DOP1A: variants seen among roughly 807,000 people sequenced by gnomAD.
DOP1A encodes DOP1 leucine zipper like protein A.
In DOP1A, 90 loss-of-function variants were observed where a neutral mutation model predicts 267.6. The observed-to-expected ratio is 0.34, with a 90% CI of 0.28 to 0.40. The LOEUF is 0.40. Among genes scored for constraint, DOP1A ranks in the 10% least tolerant of loss-of-function variants. DOP1A has a pLI of 1.00. For synonymous variants in DOP1A, 932 were observed against 999.1 expected, an observed-to-expected ratio of 0.93 and a Z score of 1.27; for missense variants, 2,437 against 2,900.4, an observed-to-expected ratio of 0.84 and a Z score of 3.67.
chr6:83,128,889 A>G lies in DOP1A; in HGVS notation c.1722A>G (p.Val574=), dbSNP rs772131130. ...GTTTTCTTAAAAATCTCTAACAGGT[A>G]TCATCAGTTTCTCATGAAAATCCTA... ...NSVKEWEDKK[V]SSVSHENPTE... Residue 574 remains valine, a splice_region_variant and synonymous_variant, in exon 16 of 39, where the codon GTA becomes GTG. Transcript: ENST00000349129. 10 of 1,519,600 alleles carry G rather than the reference A, an allele frequency of 6.6e-6. No individual in the cohort carries two copies. The highest frequency in any genetic ancestry group is 7.9e-6 in the Non-Finnish European group (9 of 1,135,556). 94.1% of individuals were successfully genotyped at this position (1,519,600 alleles called of 1,614,324 possible).
chr6:83,131,745 C>T lies in DOP1A; in HGVS notation c.2617-431C>T, dbSNP rs560386091. ...GCGCTTTTCGGGTTCAAGCAATTCTCGTGTCTCAGCCTCCCGAGTAGCTGG... is the reference window on the plus strand; with the variant it reads ...GCGCTTTTCGGGTTCAAGCAATTCTTGTGTCTCAGCCTCCCGAGTAGCTGG... On this transcript the variant is annotated intron_variant, in intron 17 of 38. Coordinates refer to ENST00000349129, the MANE Select transcript of DOP1A (RefSeq NM_015018.4). 1.5e-3 allele frequency among the ~76,000 whole-genome samples: 225 copies of T among 152,134 alleles called. 1 individual carries two copies. Among genetic ancestry groups the T allele is most frequent in the African/African-American group, 5.2e-3 (216 of 41,492 alleles).
At chr6:83,110,354 C>G in intron 6 of DOP1A, 40 bp downstream of exon 6, 1 of 1,584,202 alleles carries the variant, frequency 6.3e-7, no homozygotes, top group Non-Finnish European at 8.6e-7. Flanking sequence ...ACAAATATTT[C>G]TTTAGAGTCA....
intron 19 of DOP1A, 74 bp downstream of exon 19, chr6:83,134,361 A>G: frequency 7.7e-7 from 1 of 1,291,450 alleles, no homozygotes; most frequent in Non-Finnish European, 1.1e-6. Flanking sequence ...TCCACTGTCT[A>G]GCTTGGCAAG....
intron 1 of DOP1A, among the ~76,000 whole-genome samples, chr6:83,070,751 G>A (rs193045697): frequency 1.2e-3 from 170 of 147,648 alleles, no homozygotes; most frequent in African/African-American, 3.2e-3. Context: ...ATTCTTCTCT[G>A]TTCTTTGTGG....
chr6:83,144,156 G>T (rs1780092674), intron 24 of DOP1A, among the ~76,000 whole-genome samples: 1 of 152,138 alleles, frequency 6.6e-6, no homozygotes, highest in African/African-American at 2.4e-5. Flanking sequence ...TTGGCTACTG[G>T]AAGATGTAAC....
At chr6:83,159,658 C>T in intron 36 of DOP1A, 138 bp from the exon 37 acceptor site, 1 of 931,600 alleles carries the variant, frequency 1.1e-6, no homozygotes, top group Non-Finnish European at 1.7e-6. Context: ...GACATTTCAT[C>T]ATGACCTTGC....
chr6:83,105,111 T>A (rs910894283), intron 4 of DOP1A, among the ~76,000 whole-genome samples: 2 of 151,068 alleles, frequency 1.3e-5, no homozygotes, highest in African/African-American at 4.9e-5. Flanking sequence ...ACAATTAAAA[T>A]ATATACATAT....
chr6:83,097,217 A>T (rs1237883897), intron 3 of DOP1A, 102 bp downstream of exon 3: 1 of 1,313,884 alleles, frequency 7.6e-7, no homozygotes. Context: ...GCAAAAACAT[A>T]AATGAACCTT....
intron 1 of DOP1A, among the ~76,000 whole-genome samples, chr6:83,073,884 C>T (rs941719820): frequency 4.6e-5 from 7 of 152,074 alleles, no homozygotes; most frequent in Non-Finnish European, 1.0e-4. Context: ...GCCAACTTGC[C>T]CCAGAATGAG....
At chr6:83,134,681 A>G (rs977596192) in intron 19 of DOP1A, among the ~76,000 whole-genome samples, 1 of 152,198 alleles carries the variant, frequency 6.6e-6, no homozygotes, top group Non-Finnish European at 1.5e-5. Context: ...ATTAAAATCT[A>G]TAGCTGAAAA....
At chr6:83,141,626 C>A (rs527655019) in intron 23 of DOP1A, among the ~76,000 whole-genome samples, 11 of 152,222 alleles carry the variant, frequency 7.2e-5, no homozygotes, top group African/African-American at 2.4e-4. Context: ...TTAAAGGACT[C>A]TATATCAGAC....
At chr6:83,094,908 G>T (rs185624921) in intron 1 of DOP1A, among the ~76,000 whole-genome samples, 1 of 151,966 alleles carries the variant, frequency 6.6e-6, no homozygotes, top group South Asian at 2.1e-4. Context: ...TTTGTTGCTT[G>T]TGTTTTTGGT....
chr6:83,091,538 G>A (rs1338098580), intron 1 of DOP1A, among the ~76,000 whole-genome samples: 2 of 152,106 alleles, frequency 1.3e-5, no homozygotes, highest in African/African-American at 2.4e-5. Flanking sequence ...CTTTTTAGCT[G>A]TAGATGCATA....
rs747024751 is a variant in DOP1A at position 83,128,903 on chromosome 6, A to G, written c.1736A>G (p.His579Arg). The stretch of plus-strand genomic sequence containing the variant: ...CTCTAACAGGTATCATCAGTTTCTC[A>G]TGAAAATCCTACTGAAGTGTTTGAA... ...WEDKKVSSVS[H>R]ENPTEVFEDG... Residue 579 changes from histidine (H) to arginine (R), a missense_variant, in exon 16 of 39, where the codon CAT (histidine) becomes CGT (arginine). His to Arg is a conservative substitution (Grantham distance 29). This residue lies in a region of DOP1A where 498 missense variants were observed against 513.5 expected (regional missense o/e 0.97). Transcript: ENST00000349129. The G allele has an allele frequency of 2.6e-6, 4 of 1,522,412 alleles. No individual in the cohort carries two copies. In the Admixed American group the frequency reaches 8.9e-5, roughly 34 times the overall value. 94.3% of individuals were successfully genotyped at this position (1,522,412 alleles called of 1,614,324 possible).
intron 18 of DOP1A, 114 bp from the exon 19 acceptor site, chr6:83,134,073 A>G (rs1778501003): frequency 1.5e-6 from 1 of 663,670 alleles, no homozygotes. Flanking sequence ...GTGTGTTTGA[A>G]TATTGTGGAC....
At chr6:83,082,290 A>T (rs567845828) in intron 1 of DOP1A, among the ~76,000 whole-genome samples, 5 of 152,368 alleles carry the variant, frequency 3.3e-5, no homozygotes, top group African/African-American at 1.2e-4. Context: ...GAAGGGGCAA[A>T]GAAAATATGG....
chr6:83,137,819 A>G lies in DOP1A; in HGVS notation c.3777A>G (p.Lys1259=). 1 of 1,613,878 alleles carries G rather than the reference A, an allele frequency of 6.2e-7. No homozygotes were observed. Among genetic ancestry groups the G allele is most frequent in the Non-Finnish European group, 8.5e-7 (1 of 1,179,874 alleles). ...CTTCTGTTGCTTCCATAGAAACCAA[A>G]TCTAGACAAAGGAGTCACAGTAGTA... The part of the protein sequence containing the change: ...HDSSVASIET[K]SRQRSHSSIQ... The change falls in exon 21 of 39, where the codon AAA becomes AAG. Residue 1259 remains lysine, a synonymous_variant. Transcript: ENST00000349129.
chr6:83,115,124 A>T (rs1428853204), intron 7 of DOP1A, among the ~76,000 whole-genome samples: 2 of 152,158 alleles, frequency 1.3e-5, no homozygotes, highest in Non-Finnish European at 2.9e-5. Flanking sequence ...GGACTGCTAC[A>T]CTTCTTTAAC....
Position 83,138,891 on chromosome 6 carries a change from A to C in DOP1A, c.4849A>C (p.Ile1617Leu). ...FDFVVSDLEH[I>L]SPHQPMTSLQ... is the part of the protein sequence containing the mutation. ...TTTTGTTGTATCTGACTTAGAACACATCAGTCCCCATCAACCCATGACTTC... is the reference window on the plus strand; with the variant it reads ...TTTTGTTGTATCTGACTTAGAACACCTCAGTCCCCATCAACCCATGACTTC... The change falls in exon 21 of 39, where the codon ATC becomes CTC. Residue 1617 changes from isoleucine (I) to leucine (L), a missense_variant. Ile to Leu is a conservative substitution (Grantham distance 5). Transcript: ENST00000349129. 6.2e-7 allele frequency: 1 copy of C among 1,614,078 alleles called. No individual in the cohort carries two copies. The highest frequency in any genetic ancestry group is 8.5e-7 in the Non-Finnish European group (1 of 1,179,964).
Sources: gnomAD v4.1 joint callset for allele counts (sites outside exome capture counted in the v4.1 genomes callset) on GRCh38, gnomAD v4.1.1 for gene constraint, gnomAD v4.1.1 regional missense constraint, MANE v1.5 for transcripts, NCBI Gene and HGNC (gene_info 2026-07-23, HGNC 2026-07-21) for gene names.